Variants in KIAA0930 observed in about 807,000 individuals in gnomAD.
The protein encoded by KIAA0930 is KIAA0930, also known as uncharacterized protein KIAA0930.
A neutral mutation model predicts 43.9 loss-of-function variants in KIAA0930; 24 were observed. The observed-to-expected ratio is 0.55, with a 90% CI of 0.40 to 0.77. The LOEUF is 0.77. Among genes scored for constraint, KIAA0930 ranks in the 30% least tolerant of loss-of-function variants. KIAA0930 has a pLI of 0.00. For synonymous variants in KIAA0930, 259 were observed against 216.4 expected (o/e 1.20, Z -1.73); for missense variants, 461 against 574.2 (o/e 0.80, Z 2.02).
At chr22:45,224,179 T>C (rs2083784595) in intron 1 of KIAA0930, among the ~76,000 whole-genome samples, 1 of 152,222 alleles carries the variant, frequency 6.6e-6, no homozygotes, top group Non-Finnish European at 1.5e-5. Flanking sequence ...CACAAAATTA[T>C]ACCTGAATAC....
At chr22:45,236,118 G>C (rs1387214083) in intron 1 of KIAA0930, 1 of 152,350 alleles carries the variant, frequency 6.6e-6, no homozygotes, top group Non-Finnish European at 1.5e-5. Context: ...CCACCTGCCA[G>C]CTACGTGGCT....
intron 9 of KIAA0930, 46 bp downstream of exon 9, chr22:45,197,744 T>G (rs766653268): frequency 6.2e-7 from 1 of 1,605,012 alleles, no homozygotes; most frequent in Non-Finnish European, 8.5e-7. Context: ...GAGGCAGAGC[T>G]GGCTGTGAGA....
chr22:45,223,024 G>A (rs186512707), intron 1 of KIAA0930, among the ~76,000 whole-genome samples: 3 of 152,232 alleles, frequency 2.0e-5, no homozygotes, highest in African/African-American at 4.8e-5. Flanking sequence ...AATCACAAAC[G>A]CATTTTACCT....
At chr22:45,206,653 G>T (rs1014577379) in intron 2 of KIAA0930, among the ~76,000 whole-genome samples, 1 of 151,332 alleles carries the variant, frequency 6.6e-6, no homozygotes, top group Non-Finnish European at 1.5e-5. Context: ...ATACATATCA[G>T]AGAGAAACCA....
chr22:45,220,367 A>G lies in KIAA0930; in HGVS notation c.65-8260T>C, dbSNP rs542310126. The stretch of plus-strand genomic sequence containing the variant: ...CTACTCAGGAGGTTAAAGCAGGAGA[A>G]TTGCTTGAATCCAGGAGGCGGAGGT... On this transcript the variant is annotated intron_variant, in intron 1 of 9. Transcript: ENST00000336156. 5.3e-5 allele frequency among the ~76,000 whole-genome samples: 8 copies of G among 152,124 alleles called. No homozygotes were observed. The South Asian group carries it at 1.7e-3, about 32-fold the overall frequency.
At chr22:45,205,974 G>A in intron 2 of KIAA0930, 62 bp from the exon 3 acceptor site, 2 of 1,595,744 alleles carry the variant, frequency 1.3e-6, no homozygotes, top group East Asian at 2.2e-5. Flanking sequence ...CTTCTTCCCT[G>A]ACTACTATGC....
At chr22:45,221,595 T>C (rs2083768160) in intron 1 of KIAA0930, among the ~76,000 whole-genome samples, 1 of 152,038 alleles carries the variant, frequency 6.6e-6, no homozygotes, top group Non-Finnish European at 1.5e-5. Context: ...TATGACATAA[T>C]AAATATGTGC....
At chr22:45,197,987 G>T (rs756512095) in intron 8 of KIAA0930, 39 bp from the exon 9 acceptor site, 2 of 1,605,040 alleles carry the variant, frequency 1.2e-6, no homozygotes, top group East Asian at 2.2e-5. Flanking sequence ...CCCACAGCAT[G>T]GGACGCGGCG....
chr22:45,234,344 G>C (rs1205889726), intron 1 of KIAA0930, among the ~76,000 whole-genome samples: 3 of 60,342 alleles, frequency 5.0e-5, no homozygotes, highest in Admixed American at 1.4e-4. Context: ...GAAACGCCAG[G>C]GGGAGAGCTC....
intron 7 of KIAA0930, chr22:45,201,126 C>A: frequency 2.3e-6 from 1 of 444,072 alleles, no homozygotes; most frequent in Non-Finnish European, 4.6e-6. Context: ...CTGGCAGCTG[C>A]TGGGCTCCAG....
chr22:45,236,599 C>T (rs1214115298), intron 1 of KIAA0930, among the ~76,000 whole-genome samples: 1 of 152,126 alleles, frequency 6.6e-6, no homozygotes, highest in Non-Finnish European at 1.5e-5. Flanking sequence ...ACCTGGAACA[C>T]CATACCCTCA....
chr22:45,204,013 C>A (rs757112387), intron 5 of KIAA0930, 28 bp from the exon 6 acceptor site: 1 of 1,613,168 alleles, frequency 6.2e-7, no homozygotes, highest in Admixed American at 1.7e-5. Context: ...GAGACAGGGA[C>A]GTGACCATCA....
rs768901336 is a variant in KIAA0930, at chr22:45,205,634, G to C, written c.410C>G (p.Ser137Cys). The change falls in exon 4 of 10, where the codon TCT becomes TGT. Residue 137 changes from serine (S) to cysteine (C), a missense_variant. Transcript: ENST00000336156. ...GGDIHIHKKK[S>C]QQVFASPSKH... ...GGCTCTCGTGCCAGGGCTCACCTGA[G>C]ATTTCTTCTTATGGATGTGAATGTC... The C allele has an allele frequency of 1.2e-6, 2 of 1,613,806 alleles. No homozygotes were observed.
chr22:45,238,700 T>C (rs1482698107), intron 1 of KIAA0930, among the ~76,000 whole-genome samples: 1 of 152,068 alleles, frequency 6.6e-6, no homozygotes, highest in Admixed American at 6.5e-5. Flanking sequence ...AGGGGAGACC[T>C]GGCACGTGCG....
intron 1 of KIAA0930, among the ~76,000 whole-genome samples, chr22:45,224,094 C>G (rs2147758367): frequency 6.6e-6 from 1 of 152,270 alleles, no homozygotes; most frequent in Admixed American, 6.5e-5. Context: ...GTTTACCTAT[C>G]CAAAAAGTAA....
chr22:45,197,894 C>T lies in KIAA0930; in HGVS notation c.1070G>A (p.Arg357Gln), dbSNP rs1243747670. 4.3e-6 allele frequency: 7 copies of T among 1,614,190 alleles called. No homozygotes were observed. Among genetic ancestry groups the T allele is most frequent in the Admixed American group, 1.7e-5 (1 of 60,030 alleles). The change falls in exon 9 of 10, where the codon CGG (arginine) becomes CAG (glutamine). Residue 357 changes from arginine to glutamine, a missense_variant. Coordinates refer to ENST00000336156, the MANE Select transcript of KIAA0930 (RefSeq NM_001009880.2). ...CTTCAGCCAGGACCCGACCAGGGAC[C>T]GTCCTGTGCCCGACAGGGACCGAGA... Reference protein sequence around the residue: ...LRSRSLSGTGRSLVGSWLKLN... With the variant: ...LRSRSLSGTGQSLVGSWLKLN...
chr22:45,240,403 T>C (rs2083909600), intron 1 of KIAA0930, among the ~76,000 whole-genome samples: 1 of 151,320 alleles, frequency 6.6e-6, no homozygotes, highest in South Asian at 2.1e-4. Flanking sequence ...AGACGCCGAA[T>C]GAGACCCGGG....
chr22:45,211,089 G>A (rs182781502), intron 2 of KIAA0930, among the ~76,000 whole-genome samples: 4 of 152,128 alleles, frequency 2.6e-5, no homozygotes, highest in Non-Finnish European at 4.4e-5. Flanking sequence ...TCCATCCCGC[G>A]TGTGTTCAGG....
At chr22:45,220,431 G>C (rs2083760533) in intron 1 of KIAA0930, among the ~76,000 whole-genome samples, 1 of 151,650 alleles carries the variant, frequency 6.6e-6, no homozygotes, top group South Asian at 2.1e-4. Flanking sequence ...CCTGGCGACA[G>C]AGACTCAGTC....
Sources: gnomAD v4.1 joint callset for allele counts (sites outside exome capture counted in the v4.1 genomes callset) on GRCh38, gnomAD v4.1.1 for gene constraint, MANE v1.5 for transcripts, NCBI Gene and HGNC (gene_info 2026-07-23, HGNC 2026-07-21) for gene names.